Variants in HDAC9 observed in about 807,000 individuals in gnomAD.
HDAC9 encodes the protein MEF-2 interacting transcription repressor (MITR) protein.
A neutral mutation model predicts 139.4 loss-of-function variants in HDAC9; 41 were observed. The ratio of observed to expected loss-of-function variants is 0.29; its 90% CI spans 0.23 to 0.38. The LOEUF is 0.38. HDAC9 is among the 10% of genes least tolerant of loss of function. HDAC9 has a pLI of 1.00. For missense variants in HDAC9, 1,147 were observed against 1,297.0 expected (o/e 0.88, Z 1.78); for synonymous variants, 517 against 476.2 (o/e 1.09, Z -1.12).
chr7:18,420,757 A>G (rs1371709386), intron 1 of HDAC9, among the ~76,000 whole-genome samples: 3 of 152,200 alleles, frequency 2.0e-5, no homozygotes, highest in South Asian at 2.1e-4. Flanking sequence ...AAAGGTGAAT[A>G]AACCAAACAA....
chr7:18,822,227 A>C (rs892482363), intron 17 of HDAC9, among the ~76,000 whole-genome samples: 1 of 152,154 alleles, frequency 6.6e-6, no homozygotes, highest in Non-Finnish European at 1.5e-5. Flanking sequence ...GTTCCTCTGG[A>C]AAGGAGCCAC....
At chr7:18,672,305 A>T (rs1343937608) in intron 12 of HDAC9, among the ~76,000 whole-genome samples, 2 of 151,966 alleles carry the variant, frequency 1.3e-5, no homozygotes, top group African/African-American at 4.8e-5. Flanking sequence ...ATGACTAATG[A>T]TGTTGAGCAT....
At chr7:18,252,260 G>A (rs982739350) in intron 2 of HDAC9, among the ~76,000 whole-genome samples, 3 of 152,170 alleles carry the variant, frequency 2.0e-5, no homozygotes, top group Admixed American at 2.0e-4. Context: ...AGGAGTCAAT[G>A]TGGCCACTGG....
chr7:18,999,296 G>C lies in HDAC9; in HGVS notation c.*3234G>C, dbSNP rs905450434. On this transcript the variant is annotated 3_prime_UTR_variant, in exon 26 of 26. Transcript: ENST00000686413. ...TCCCACAAAGGCTTCAGAAATTACA[G>C]GACTGGTCTCTCTTAATAGTTTAGT... 1.3e-5 allele frequency: 2 copies of C among 152,120 alleles called. No individual in the cohort carries two copies. Among genetic ancestry groups the C allele is most frequent in the Admixed American group, 6.6e-5 (1 of 15,262 alleles). The allele number at this position is 152,120 out of a possible 1,614,324, so 9.4% of individuals were successfully genotyped here. A position where few individuals can be genotyped will look rare whatever the true frequency, so the allele number is the denominator to read the frequency against.
Position 18,719,331 on chromosome 7 carries a change from C to CTTTTTTTTTTTTTTTT in HDAC9, c.1732-8238_1732-8223dup, listed in dbSNP as rs757689693. Among the ~76,000 whole-genome samples, 37 of 73,912 alleles carry CTTTTTTTTTTTTTTTT rather than the reference C, an allele frequency of 5.0e-4. 3 individuals are homozygous for CTTTTTTTTTTTTTTTT. Among genetic ancestry groups the CTTTTTTTTTTTTTTTT allele is most frequent in the African/African-American group, 1.2e-3 (19 of 15,206 alleles). The allele number at this position is 73,912 out of a possible 152,430, so 48.5% of individuals were successfully genotyped here. A position where few individuals can be genotyped will look rare whatever the true frequency, so the allele number is the denominator to read the frequency against. Reference sequence around the variant, plus strand: ...CTAATTAACCTATTTTTTTCTCTTCCTTTTTTTTTTTTTTTTTTTTTTTTT... The same window carrying CTTTTTTTTTTTTTTTT: ...CTAATTAACCTATTTTTTTCTCTTCCTTTTTTTTTTTTTTTTTTTTTTTTTTTTTTTTTTTTTTTTT... On this transcript the variant is annotated intron_variant, in intron 12 of 25. Coordinates refer to ENST00000686413, the MANE Select transcript of HDAC9 (RefSeq NM_178425.4).
At chr7:18,710,824 T>C (rs1784292022) in intron 12 of HDAC9, among the ~76,000 whole-genome samples, 1 of 152,178 alleles carries the variant, frequency 6.6e-6, no homozygotes, top group Non-Finnish European at 1.5e-5. Flanking sequence ...ATGCAGAACA[T>C]TTTGTTGCTT....
chr7:18,669,372 T>C (rs1317078602), intron 12 of HDAC9, among the ~76,000 whole-genome samples: 1 of 151,818 alleles, frequency 6.6e-6, no homozygotes, highest in East Asian at 1.9e-4. Flanking sequence ...AAATAGTAAT[T>C]AAATGATCTC....
chr7:18,805,522 G>A (rs557316076), intron 17 of HDAC9, among the ~76,000 whole-genome samples: 283 of 152,270 alleles, frequency 1.9e-3, no homozygotes, highest in African/African-American at 6.2e-3. Context: ...TTCCCCCTGC[G>A]GGCCAGTGGA....
chr7:18,627,608 A>G (rs1274056144), intron 6 of HDAC9, among the ~76,000 whole-genome samples: 2 of 152,284 alleles, frequency 1.3e-5, no homozygotes, highest in East Asian at 3.9e-4. Context: ...AGATTCCTAC[A>G]CTAAGGTGAA....
chr7:18,888,874 T>A (rs1374578737), intron 22 of HDAC9, among the ~76,000 whole-genome samples: 1 of 152,218 alleles, frequency 6.6e-6, no homozygotes, highest in Non-Finnish European at 1.5e-5. Flanking sequence ...CTTTGTCTAG[T>A]CATATATAAC....
intron 1 of HDAC9, among the ~76,000 whole-genome samples, chr7:18,312,128 G>C (rs558776024): frequency 1.1e-4 from 17 of 152,150 alleles, no homozygotes; most frequent in Non-Finnish European, 7.4e-5. Flanking sequence ...TGCTACCATG[G>C]CTGCATATTT....
chr7:18,535,750 AATTTAC>A (rs1810683598), intron 2 of HDAC9, among the ~76,000 whole-genome samples: 1 of 134,286 alleles, frequency 7.4e-6, no homozygotes, highest in Non-Finnish European at 1.6e-5. Flanking sequence ...AAAAAAAAAA[AATTTAC>A]TTCTATTTCA....
At chr7:18,979,143 A>G (rs963840046) in intron 25 of HDAC9, among the ~76,000 whole-genome samples, 2 of 152,186 alleles carry the variant, frequency 1.3e-5, no homozygotes, top group Admixed American at 6.5e-5. Context: ...ATACAGAAAC[A>G]TGAGAAAACA....
At chr7:18,093,248 G>A (rs1218015855) in intron 1 of HDAC9, among the ~76,000 whole-genome samples, 1 of 152,184 alleles carries the variant, frequency 6.6e-6, no homozygotes, top group Non-Finnish European at 1.5e-5. Flanking sequence ...TAAATACTTT[G>A]CCAAGGGTCG....
chr7:18,811,876 AAG>A (rs1375161285), intron 17 of HDAC9, among the ~76,000 whole-genome samples: 2 of 151,184 alleles, frequency 1.3e-5, no homozygotes, highest in African/African-American at 2.4e-5. Context: ...GAGAGAGAGA[AAG>A]AGAGAGAGAC....
chr7:18,249,975 G>A (rs892624323), intron 2 of HDAC9, among the ~76,000 whole-genome samples: 1 of 152,166 alleles, frequency 6.6e-6, no homozygotes, highest in Non-Finnish European at 1.5e-5. Context: ...CAGCTGTGAA[G>A]TAAATAACCA....
At chr7:18,093,179 A>G (rs1156448394) in intron 1 of HDAC9, among the ~76,000 whole-genome samples, 1 of 152,190 alleles carries the variant, frequency 6.6e-6, no homozygotes, top group Non-Finnish European at 1.5e-5. Context: ...AGTTTAGTTT[A>G]TATTTCCCTA....
chr7:18,208,450 C>A (rs1172731150), intron 2 of HDAC9, among the ~76,000 whole-genome samples: 1 of 148,338 alleles, frequency 6.7e-6, no homozygotes, highest in Non-Finnish European at 1.5e-5. Context: ...AAGGCTCAGG[C>A]AGCCTCCAAC....
chr7:18,478,422 AC>A (rs1795295077), intron 1 of HDAC9, among the ~76,000 whole-genome samples: 2 of 152,162 alleles, frequency 1.3e-5, no homozygotes, highest in South Asian at 4.1e-4. Flanking sequence ...TCTGTGCTGC[AC>A]TCTCAGGATG....
Sources: allele counts gnomAD v4.1 joint callset (sites outside exome capture counted in the v4.1 genomes callset), GRCh38; gene constraint gnomAD v4.1.1; transcripts MANE v1.5; gene names NCBI Gene and HGNC (gene_info 2026-07-23, HGNC 2026-07-21).